The following PTPN1 variants were observed in gnomAD, a reference collection of about 807,000 sequenced individuals.
The protein encoded by PTPN1 is protein tyrosine phosphatase non-receptor type 1.
PTPN1 carries 12 observed loss-of-function variants against 59.9 expected under a neutral mutation model. The observed-to-expected ratio is 0.20, with a 90% CI of 0.13 to 0.32. The LOEUF (loss-of-function observed/expected upper bound fraction) is 0.32, where lower values mean the gene tolerates loss of function less well. Among genes scored for constraint, PTPN1 ranks in the 10% least tolerant of loss-of-function variants. The pLI is 1.00. For missense variants in PTPN1, 356 were observed against 549.2 expected, an observed-to-expected ratio of 0.65 and a Z score of 3.52; for synonymous variants, 178 against 203.6, an observed-to-expected ratio of 0.87 and a Z score of 1.07.
intron 4 of PTPN1, chr20:50,572,176 C>T (rs2082813329): frequency 6.6e-6 from 1 of 152,216 alleles, no homozygotes. Context: ...GAGATGCTAG[C>T]ATGTTGGCAC....
chr20:50,557,621 T>C (rs1049679463), intron 1 of PTPN1: 2 of 152,272 alleles, frequency 1.3e-5, no homozygotes, highest in Non-Finnish European at 2.9e-5. Context: ...GTTTCTTTTT[T>C]AAACATTATT....
At chr20:50,581,571 G>A in intron 9 of PTPN1, 111 bp downstream of exon 9, 1 of 1,245,954 alleles carries the variant, frequency 8.0e-7, no homozygotes, top group African/African-American at 1.5e-5. Context: ...AGTCTCAGAA[G>A]AAACAGATCA....
At chr20:50,553,457 A>G (rs2082712361) in intron 1 of PTPN1, among the ~76,000 whole-genome samples, 2 of 152,172 alleles carry the variant, frequency 1.3e-5, no homozygotes, top group African/African-American at 4.8e-5. Context: ...TACAGTGTAC[A>G]CTTTGTAGGG....
At chr20:50,547,191 G>A (rs555690016) in intron 1 of PTPN1, among the ~76,000 whole-genome samples, 4 of 152,054 alleles carry the variant, frequency 2.6e-5, no homozygotes, top group South Asian at 2.1e-4. Context: ...TATTAGGGAC[G>A]GTAAAAATAA....
At chr20:50,525,913 C>T (rs190063412) in intron 1 of PTPN1, among the ~76,000 whole-genome samples, 53 of 152,080 alleles carry the variant, frequency 3.5e-4, no homozygotes, top group Admixed American at 8.5e-4. Flanking sequence ...TGGCCACTGT[C>T]GCAGGGGGAG....
intron 1 of PTPN1, among the ~76,000 whole-genome samples, chr20:50,514,815 T>C (rs1378420242): frequency 6.6e-6 from 1 of 152,244 alleles, no homozygotes; most frequent in Non-Finnish European, 1.5e-5. Flanking sequence ...GAATTCTAGC[T>C]GGGTCATTGT....
At chr20:50,552,184 A>G (rs895457848) in intron 1 of PTPN1, among the ~76,000 whole-genome samples, 3 of 152,176 alleles carry the variant, frequency 2.0e-5, no homozygotes, top group African/African-American at 4.8e-5. Context: ...CATTAATGTT[A>G]TAGTTACCTT....
intron 1 of PTPN1, among the ~76,000 whole-genome samples, chr20:50,550,272 A>G (rs2082696626): frequency 6.6e-6 from 1 of 152,236 alleles, no homozygotes; most frequent in Admixed American, 6.5e-5. Context: ...CAAATTAGAT[A>G]ACCATTTGTA....
chr20:50,582,645 T>C lies in PTPN1; in HGVS notation c.1285-47T>C. The C allele has an allele frequency of 1.2e-6, 2 of 1,608,906 alleles. No homozygotes were observed. The highest frequency in any genetic ancestry group is 1.7e-4 in the Middle Eastern group (1 of 6,050). On this transcript the variant is annotated intron_variant, in intron 9 of 9. Transcript: ENST00000371621. The surrounding 1 kb of genome is among the most constrained non-coding windows in gnomAD (Gnocchi z 4.2). ...GGGGTCATGCATGAGGCGACAGCTC[T>C]GCAGGTGCGGGTCTGGGCTCATCTG...
chr20:50,565,968 G>A (rs570855346), intron 3 of PTPN1, among the ~76,000 whole-genome samples: 1 of 152,324 alleles, frequency 6.6e-6, no homozygotes, highest in African/African-American at 2.4e-5. Context: ...TTTCTTCACT[G>A]CCTTTTTGTC....
At chr20:50,512,973 A>T (rs1302909905) in intron 1 of PTPN1, among the ~76,000 whole-genome samples, 1 of 152,186 alleles carries the variant, frequency 6.6e-6, no homozygotes, top group Non-Finnish European at 1.5e-5. Context: ...GAATAATGTA[A>T]TTTTTGCTTA....
intron 1 of PTPN1, among the ~76,000 whole-genome samples, chr20:50,555,136 CAA>C (rs2082720662): frequency 6.6e-6 from 1 of 151,966 alleles, no homozygotes; most frequent in African/African-American, 2.4e-5. Flanking sequence ...AAGTATAAAA[CAA>C]AGAGCAAAGA....
chr20:50,538,531 G>A (rs1052327008), intron 1 of PTPN1, among the ~76,000 whole-genome samples: 5 of 152,240 alleles, frequency 3.3e-5, no homozygotes, highest in Admixed American at 1.3e-4. Flanking sequence ...GTTTGCGTGT[G>A]TTTGGAGAAG....
Position 50,568,521 on chromosome 20 carries a change from C to T in PTPN1, c.354+43C>T, listed in dbSNP as rs1482928850. The T allele has an allele frequency of 7.0e-7, 1 of 1,431,644 alleles. No individual in the cohort carries two copies. The highest frequency in any genetic ancestry group is 9.9e-7 in the Non-Finnish European group (1 of 1,014,082). 88.7% of individuals were successfully genotyped at this position (1,431,644 alleles called of 1,614,324 possible). ...TTGCTGTGTATGTGATCATGCATAC[C>T]ACTCCATATAGTTACCATTTTCGTC... On this transcript the variant is annotated intron_variant, in intron 4 of 9. Coordinates refer to ENST00000371621, the MANE Select transcript of PTPN1 (RefSeq NM_002827.4). The surrounding 1 kb of genome is among the most constrained non-coding windows in gnomAD (Gnocchi z 5.6).
chr20:50,547,003 G>A (rs533599990), intron 1 of PTPN1, among the ~76,000 whole-genome samples: 1 of 152,214 alleles, frequency 6.6e-6, no homozygotes, highest in Non-Finnish European at 1.5e-5. Context: ...TTTTTAGACT[G>A]TTCTCTTACA....
intron 1 of PTPN1, among the ~76,000 whole-genome samples, chr20:50,515,460 T>G (rs927359161): frequency 2.0e-5 from 3 of 152,232 alleles, no homozygotes; most frequent in Non-Finnish European, 4.4e-5. Flanking sequence ...AAACATTTTT[T>G]TTTTAAATTT....
chr20:50,561,518 C>A, intron 2 of PTPN1, 65 bp downstream of exon 2: 2 of 982,734 alleles, frequency 2.0e-6, no homozygotes, highest in Non-Finnish European at 3.1e-6. Context: ...TTAGTCAAGA[C>A]TCCTTTCGCC....
chr20:50,581,941 G>A (rs2082870919), intron 9 of PTPN1, among the ~76,000 whole-genome samples: 1 of 152,196 alleles, frequency 6.6e-6, no homozygotes, highest in Non-Finnish European at 1.5e-5. Flanking sequence ...CCCAGGGAAG[G>A]AATCCCAAAC....
At chr20:50,574,279 G>A (rs956060537) in intron 4 of PTPN1, 10 of 460,388 alleles carry the variant, frequency 2.2e-5, no homozygotes, top group South Asian at 7.3e-5. Context: ...ACGTTTGACC[G>A]GGGAGCCGAT....
Sources: gnomAD v4.1 joint callset for allele counts (sites outside exome capture counted in the v4.1 genomes callset) on GRCh38, gnomAD v4.1.1 for gene constraint, Gnocchi (gnomAD v3.1) non-coding constraint, MANE v1.5 for transcripts, NCBI Gene and HGNC (gene_info 2026-07-23, HGNC 2026-07-21) for gene names.